Variants in FCHSD2 observed in about 807,000 individuals in gnomAD.
The protein encoded by FCHSD2 is F-BAR and double SH3 domains protein 2.
In FCHSD2, 38 loss-of-function variants were observed where a neutral mutation model predicts 108.1. That is an observed-to-expected ratio of 0.35 (90% CI 0.27 to 0.46). FCHSD2 has a LOEUF of 0.46. FCHSD2 is among the 20% of genes least tolerant of loss of function. FCHSD2 has a pLI of 1.00. For synonymous variants in FCHSD2, 279 were observed against 314.7 expected, an observed-to-expected ratio of 0.89 and a Z score of 1.20; for missense variants, 751 against 897.8, an observed-to-expected ratio of 0.84 and a Z score of 2.09.
intron 3 of FCHSD2, among the ~76,000 whole-genome samples, chr11:73,076,164 G>A (rs1859546103): frequency 3.3e-5 from 5 of 152,104 alleles, no homozygotes; most frequent in Admixed American, 3.3e-4. Context: ...ACCAAATGAT[G>A]TGAAAATTCT....
intron 8 of FCHSD2, among the ~76,000 whole-genome samples, chr11:72,958,552 C>G (rs1222072038): frequency 6.6e-6 from 1 of 152,100 alleles, no homozygotes; most frequent in African/African-American, 2.4e-5. Context: ...CAACAAAAAA[C>G]AGTTGTTGGA....
At chr11:73,118,819 A>G (rs143769564) in intron 2 of FCHSD2, among the ~76,000 whole-genome samples, 137 of 152,310 alleles carry the variant, frequency 9.0e-4, no homozygotes, top group African/African-American at 3.3e-3. Flanking sequence ...TCTGTTTTAC[A>G]GATGAGAAAA....
intron 2 of FCHSD2, among the ~76,000 whole-genome samples, chr11:73,095,680 G>A (rs976398128): frequency 1.3e-5 from 2 of 152,176 alleles, no homozygotes; most frequent in African/African-American, 4.8e-5. Context: ...ACTTCCTGAG[G>A]TAGTAAACTT....
intron 2 of FCHSD2, among the ~76,000 whole-genome samples, chr11:73,087,702 C>T (rs1039857127): frequency 1.6e-4 from 23 of 146,952 alleles, no homozygotes; most frequent in African/African-American, 5.6e-4. Flanking sequence ...GAGGCTTTGT[C>T]TCAAAAAAAA....
chr11:72,871,220 T>A (rs987000781), intron 12 of FCHSD2, among the ~76,000 whole-genome samples: 1 of 152,196 alleles, frequency 6.6e-6, no homozygotes, highest in African/African-American at 2.4e-5. Context: ...TGACAGCTTC[T>A]GCTTCTACTA....
chr11:72,982,770 C>T (rs1001700250), intron 8 of FCHSD2, among the ~76,000 whole-genome samples: 1 of 152,084 alleles, frequency 6.6e-6, no homozygotes, highest in Non-Finnish European at 1.5e-5. Context: ...TTTGTTTGTC[C>T]CGTACGCAGC....
chr11:73,041,882 T>C (rs114626975), intron 3 of FCHSD2, among the ~76,000 whole-genome samples: 135 of 152,300 alleles, frequency 8.9e-4, no homozygotes, highest in African/African-American at 3.2e-3. Context: ...AGTAGTTTTA[T>C]AGTTTTGGGT....
intron 2 of FCHSD2, among the ~76,000 whole-genome samples, chr11:73,110,232 C>T (rs1450285737): frequency 1.3e-5 from 2 of 151,738 alleles, no homozygotes; most frequent in East Asian, 3.9e-4. Context: ...ATTCCCTCCT[C>T]CTCTATTTTT....
intron 13 of FCHSD2, among the ~76,000 whole-genome samples, chr11:72,852,457 G>C (rs1861316581): frequency 6.6e-6 from 1 of 152,124 alleles, no homozygotes; most frequent in Admixed American, 6.5e-5. Flanking sequence ...CAGCACTTTG[G>C]AAGGCTAAAG....
chr11:72,983,308 AT>A (rs1369609900), intron 8 of FCHSD2, among the ~76,000 whole-genome samples: 1 of 148,782 alleles, frequency 6.7e-6, no homozygotes, highest in African/African-American at 2.6e-5. Flanking sequence ...AAAAAAAAAA[AT>A]AAATAAAAGA....
At chr11:72,932,792 C>G (rs1373303170) in intron 8 of FCHSD2, among the ~76,000 whole-genome samples, 2 of 152,160 alleles carry the variant, frequency 1.3e-5, no homozygotes, top group Non-Finnish European at 2.9e-5. Context: ...GTTTACCATT[C>G]CATCTTCTGT....
At chr11:73,100,810 G>A (rs1057329767) in intron 2 of FCHSD2, among the ~76,000 whole-genome samples, 2 of 151,714 alleles carry the variant, frequency 1.3e-5, no homozygotes, top group Admixed American at 6.6e-5. Context: ...ATTATCATTC[G>A]TTTCTCTTTC....
intron 14 of FCHSD2, among the ~76,000 whole-genome samples, chr11:72,846,099 G>A (rs1376677661): frequency 6.6e-6 from 1 of 150,566 alleles, no homozygotes; most frequent in South Asian, 2.1e-4. Flanking sequence ...TAGATAAGTA[G>A]TTACGATTAC....
At chr11:73,069,214 G>A (rs1859373464) in intron 3 of FCHSD2, among the ~76,000 whole-genome samples, 1 of 150,966 alleles carries the variant, frequency 6.6e-6, no homozygotes, top group Admixed American at 6.6e-5. Context: ...GGGAGGCTGA[G>A]GCAGGAAAAT....
rs1046591902 is a variant in FCHSD2, at chr11:73,016,516, C to G, written c.166-631G>C. Among the ~76,000 whole-genome samples, 5 of 152,144 alleles carry G rather than the reference C, an allele frequency of 3.3e-5. No homozygotes were observed. The East Asian group carries it at 7.7e-4, about 23-fold the overall frequency. On this transcript the variant is annotated intron_variant, in intron 3 of 19. Transcript: ENST00000409418. ...TTAACTATTTGACTAGCCATAAAAA[C>G]AAACCACCTCTGGCATGTCACAGGG...
intron 12 of FCHSD2, among the ~76,000 whole-genome samples, chr11:72,884,130 T>C (rs962154239): frequency 4.6e-5 from 7 of 152,062 alleles, no homozygotes; most frequent in Non-Finnish European, 1.0e-4. Flanking sequence ...CAACTTGATA[T>C]TATGATTCTT....
chr11:72,864,221 A>G lies in FCHSD2; in HGVS notation c.1308+3644T>C, dbSNP rs191979902. 7.9e-5 allele frequency among the ~76,000 whole-genome samples: 12 copies of G among 152,340 alleles called. No homozygotes were observed. The East Asian group carries it at 2.3e-3, about 29-fold the overall frequency. On this transcript the variant is annotated intron_variant, in intron 13 of 19. Transcript: ENST00000409418. ...CTATAGTTTGAAAATGTAAGCAATA[A>G]AAGAACAGGGTGGGCATAGTGGCTC... is the stretch of plus-strand genomic sequence containing the variant.
intron 1 of FCHSD2, 101 bp downstream of exon 1, chr11:73,141,756 C>A: frequency 7.7e-7 from 1 of 1,306,954 alleles, no homozygotes; most frequent in South Asian, 1.3e-5. Flanking sequence ...CGAGGGCGGT[C>A]ACGGCCCCTT....
At chr11:72,920,248 G>A (rs1282084328) in intron 9 of FCHSD2, among the ~76,000 whole-genome samples, 2 of 151,980 alleles carry the variant, frequency 1.3e-5, no homozygotes, top group Non-Finnish European at 2.9e-5. Context: ...AAGACAGAGG[G>A]CACACACAAT....
Sources: gnomAD v4.1 joint callset for allele counts (sites outside exome capture counted in the v4.1 genomes callset) on GRCh38, gnomAD v4.1.1 for gene constraint, MANE v1.5 for transcripts, NCBI Gene and HGNC (gene_info 2026-07-23, HGNC 2026-07-21) for gene names.